SLC25A17: variants seen among roughly 807,000 people sequenced by gnomAD.
The protein encoded by SLC25A17 is solute carrier family 25 member 17.
A neutral mutation model predicts 38.5 loss-of-function variants in SLC25A17; 26 were observed. The observed-to-expected ratio is 0.68, with a 90% confidence interval of 0.50 to 0.94. The LOEUF is 0.94. Among genes scored for constraint, SLC25A17 ranks in the 40% least tolerant of loss-of-function variants. The pLI is 0.00. For synonymous variants in SLC25A17, 139 were observed against 136.2 expected, an observed-to-expected ratio of 1.02 and a Z score of -0.14; for missense variants, 333 against 372.7, an observed-to-expected ratio of 0.89 and a Z score of 0.88.
At chr22:40,811,233 TG>T (rs1165149745) in intron 1 of SLC25A17, among the ~76,000 whole-genome samples, 1 of 148,444 alleles carries the variant, frequency 6.7e-6, no homozygotes, top group African/African-American at 2.5e-5. Flanking sequence ...ATGATTATCA[TG>T]TATTAACTTT....
intron 1 of SLC25A17, among the ~76,000 whole-genome samples, chr22:40,804,220 C>T (rs530758231): frequency 6.6e-6 from 1 of 152,174 alleles, no homozygotes; most frequent in South Asian, 2.1e-4. Context: ...GGGAAGATTT[C>T]AGGGCCTCAG....
intron 1 of SLC25A17, among the ~76,000 whole-genome samples, chr22:40,815,275 T>C (rs936504686): frequency 2.6e-5 from 4 of 152,090 alleles, no homozygotes; most frequent in African/African-American, 4.8e-5. Context: ...GTTAAAGCTA[T>C]AGGAAAGAGA....
intron 1 of SLC25A17, 34 bp from the exon 2 acceptor site, chr22:40,799,117 C>T (rs118166233): frequency 0.015 from 23,516 of 1,566,648 alleles, 248 homozygotes; most frequent in Non-Finnish European, 0.018. Context: ...TACAGCATCA[C>T]AAACATAGTT....
At chr22:40,803,822 T>G (rs2057505068) in intron 1 of SLC25A17, among the ~76,000 whole-genome samples, 1 of 143,270 alleles carries the variant, frequency 7.0e-6, no homozygotes, top group Non-Finnish European at 1.6e-5. Context: ...TAGTTTTTGT[T>G]TTTTTTTTTT....
At chr22:40,784,077 C>G (rs2057316748) in intron 4 of SLC25A17, among the ~76,000 whole-genome samples, 1 of 152,170 alleles carries the variant, frequency 6.6e-6, no homozygotes, top group East Asian at 1.9e-4. Context: ...ACCTTATCCT[C>G]TAACATACTA....
At chr22:40,790,004 CTA>C (rs1445243899) in intron 4 of SLC25A17, among the ~76,000 whole-genome samples, 1 of 151,780 alleles carries the variant, frequency 6.6e-6, no homozygotes, top group Non-Finnish European at 1.5e-5. Context: ...GTAGACTCTC[CTA>C]TGTGTCAACT....
chr22:40,800,468 A>G (rs1352952187), intron 1 of SLC25A17, among the ~76,000 whole-genome samples: 1 of 152,192 alleles, frequency 6.6e-6, no homozygotes, highest in East Asian at 1.9e-4. Flanking sequence ...GCGAGATCAT[A>G]GTTCACTGTA....
intron 7 of SLC25A17, among the ~76,000 whole-genome samples, chr22:40,775,436 GTTTT>G (rs71200615): frequency 5.8e-5 from 5 of 86,870 alleles, no homozygotes; most frequent in African/African-American, 2.3e-4. Context: ...AGATCTGATG[GTTTT>G]TTTTTTTTTT....
intron 1 of SLC25A17, among the ~76,000 whole-genome samples, chr22:40,815,041 G>T (rs959620210): frequency 6.6e-6 from 1 of 151,814 alleles, no homozygotes; most frequent in African/African-American, 2.4e-5. Context: ...GGATGGTCTC[G>T]ATCTCCTGAC....
intron 1 of SLC25A17, among the ~76,000 whole-genome samples, chr22:40,803,235 A>T (rs1363128826): frequency 6.6e-6 from 1 of 152,164 alleles, no homozygotes; most frequent in Non-Finnish European, 1.5e-5. Flanking sequence ...CTGGAACTGC[A>T]GCCCTGTGCC....
Position 40,770,813 on chromosome 22 carries a change from A to G in SLC25A17, c.*21T>C. 6.3e-7 allele frequency: 1 copy of G among 1,585,054 alleles called. No individual in the cohort carries two copies. Among genetic ancestry groups the G allele is most frequent in the Non-Finnish European group, 8.6e-7 (1 of 1,160,650 alleles). The stretch of plus-strand genomic sequence containing the variant: ...AAACCTCCCTCTTGAGCATCTTCGG[A>G]ATTTTTCATGGGAAGGCGTCTCAGT... On this transcript the variant is annotated 3_prime_UTR_variant, in exon 9 of 9. Transcript: ENST00000435456.
At position 40,792,672 on chromosome 22, in the gene SLC25A17, C is replaced by T. The variant is rs147898473; in HGVS notation, c.187G>A (p.Ala63Thr). The part of the protein sequence containing the change: ...LEIIKEEGLL[A>T]PYRGWFPVIS... ...ACTGGAAACCACCCTCGATATGGTG[C>T]CAGGCTAGGGGAAAAACACAATAAG... is the stretch of plus-strand genomic sequence containing the variant. Residue 63 changes from alanine to threonine, a missense_variant, in exon 4 of 9, where the codon GCA becomes ACA. Transcript: ENST00000435456. 12 of 1,613,632 alleles carry T rather than the reference C, an allele frequency of 7.4e-6. No individual in the cohort carries two copies. The African/African-American group carries it at 9.3e-5, about 13-fold the overall frequency.
At chr22:40,775,146 C>T (rs1030475570) in intron 7 of SLC25A17, among the ~76,000 whole-genome samples, 18 of 152,238 alleles carry the variant, frequency 1.2e-4, no homozygotes, top group African/African-American at 4.1e-4. Context: ...ATATTCTCAG[C>T]TTAAAGTGCT....
Position 40,779,007 on chromosome 22 carries a change from A to C in SLC25A17, c.451+2T>G. The C allele has an allele frequency of 1.2e-6, 2 of 1,608,664 alleles. No individual in the cohort carries two copies. The highest frequency in any genetic ancestry group is 1.7e-6 in the Non-Finnish European group (2 of 1,175,154). Reference sequence around the variant, plus strand: ...ATAGGAATTCAGCAAAGAGATACTTACCAATGATACCTTTGTAGTTTGTTG... The same window carrying C: ...ATAGGAATTCAGCAAAGAGATACTTCCCAATGATACCTTTGTAGTTTGTTG... On this transcript the variant is annotated splice_donor_variant, in intron 5 of 8. Transcript: ENST00000435456. LOFTEE classifies it high-confidence loss of function.
At chr22:40,787,338 C>A (rs762068971) in intron 4 of SLC25A17, among the ~76,000 whole-genome samples, 1 of 152,222 alleles carries the variant, frequency 6.6e-6, no homozygotes, top group Non-Finnish European at 1.5e-5. Flanking sequence ...GCTTTCCCTA[C>A]AGTAACAGAT....
chr22:40,788,275 G>A (rs1213387250), intron 4 of SLC25A17, among the ~76,000 whole-genome samples: 1 of 152,118 alleles, frequency 6.6e-6, no homozygotes, highest in African/African-American at 2.4e-5. Flanking sequence ...TTAGTGCTAT[G>A]ACATGATGGG....
At chr22:40,774,362 T>A (rs1308562256) in intron 7 of SLC25A17, among the ~76,000 whole-genome samples, 1 of 152,112 alleles carries the variant, frequency 6.6e-6, no homozygotes, top group Non-Finnish European at 1.5e-5. Flanking sequence ...TAGTTGGGAT[T>A]ATAGACATGT....
chr22:40,809,393 T>C (rs997080801), intron 1 of SLC25A17, among the ~76,000 whole-genome samples: 10 of 151,758 alleles, frequency 6.6e-5, no homozygotes, highest in East Asian at 3.9e-4. Flanking sequence ...GGTGGGCGGA[T>C]TGCTTGAGCC....
At chr22:40,793,054 A>C (rs1310321570) in intron 3 of SLC25A17, among the ~76,000 whole-genome samples, 1 of 144,294 alleles carries the variant, frequency 6.9e-6, no homozygotes, top group Admixed American at 6.9e-5. Flanking sequence ...AATAAGTATC[A>C]AAAAAAAAAA....
Sources: gnomAD v4.1 joint callset for allele counts (sites outside exome capture counted in the v4.1 genomes callset) on GRCh38, gnomAD v4.1.1 for gene constraint, MANE v1.5 for transcripts, NCBI Gene and HGNC (gene_info 2026-07-23, HGNC 2026-07-21) for gene names.